DPY19L1: variants seen among roughly 807,000 people sequenced by gnomAD.
DPY19L1 encodes the protein dpy-19 like C-mannosyltransferase 1, also known as protein C-mannosyl-transferase DPY19L1.
DPY19L1 carries 35 observed loss-of-function variants against 96.9 expected under a neutral mutation model. That is an observed-to-expected ratio of 0.36 (90% CI 0.28 to 0.48). The LOEUF is 0.48. Among genes scored for constraint, DPY19L1 ranks in the 20% least tolerant of loss-of-function variants. DPY19L1 has a pLI of 0.99. For missense variants in DPY19L1, 521 were observed against 777.9 expected, an observed-to-expected ratio of 0.67 and a Z score of 3.93; for synonymous variants, 205 against 252.6, an observed-to-expected ratio of 0.81 and a Z score of 1.79.
intron 13 of DPY19L1, among the ~76,000 whole-genome samples, chr7:34,952,677 A>C (rs1195033125): frequency 1.3e-5 from 2 of 152,184 alleles, no homozygotes; most frequent in African/African-American, 4.8e-5. Flanking sequence ...AAGAAATACT[A>C]CATTTGAGCA....
Position 34,931,650 on chromosome 7 carries a change from C to T in DPY19L1, c.2170G>A (p.Val724Met), listed in dbSNP as rs200053924. The change falls in exon 22 of 22, where the codon GTG (valine) becomes ATG (methionine). Residue 724 changes from valine to methionine, a missense_variant. Coordinates refer to ENST00000638088, the MANE Select transcript of DPY19L1 (RefSeq NM_001366673.1). Reference protein sequence around the residue: ...AGKTPLCNLLVKDSKPHFTTV... With the variant: ...AGKTPLCNLLMKDSKPHFTTV... The stretch of plus-strand genomic sequence containing the variant: ...GTGAAGTGAGGTTTGGAATCCTTCA[C>T]CAAGAGGTTACATAAGGGAGTTTTC... 30 of 1,600,400 alleles carry T rather than the reference C, an allele frequency of 1.9e-5. No homozygotes were observed. The highest frequency in any genetic ancestry group is 2.3e-5 in the Non-Finnish European group (27 of 1,174,124).
At chr7:34,965,658 T>C (rs1242116715) in intron 10 of DPY19L1, among the ~76,000 whole-genome samples, 1 of 152,196 alleles carries the variant, frequency 6.6e-6, no homozygotes, top group Non-Finnish European at 1.5e-5. Context: ...TTATAAATGT[T>C]CTTTTATATG....
intron 1 of DPY19L1, among the ~76,000 whole-genome samples, chr7:35,031,050 G>C (rs1044850098): frequency 1.3e-5 from 2 of 152,062 alleles, no homozygotes; most frequent in African/African-American, 4.8e-5. Context: ...AAAAGAACTA[G>C]CAAAACAGGA....
At chr7:34,973,964 C>T (rs1784781931) in intron 7 of DPY19L1, among the ~76,000 whole-genome samples, 1 of 152,148 alleles carries the variant, frequency 6.6e-6, no homozygotes, top group South Asian at 2.1e-4. Flanking sequence ...TGTCTTCTTT[C>T]CCATGAATTT....
At chr7:34,973,087 A>G (rs13310656) in intron 8 of DPY19L1, among the ~76,000 whole-genome samples, 1,869 of 152,232 alleles carry the variant, frequency 0.012, 18 homozygotes, top group Non-Finnish European at 0.02. Flanking sequence ...CAAGGCAGCT[A>G]TATTCAATAT....
intron 20 of DPY19L1, among the ~76,000 whole-genome samples, chr7:34,938,829 C>A (rs1295869357): frequency 1.3e-5 from 2 of 152,156 alleles, no homozygotes; most frequent in Non-Finnish European, 2.9e-5. Flanking sequence ...CACCCAAGAT[C>A]ATTCTAACAG....
chr7:35,024,046 C>T (rs180975691), intron 1 of DPY19L1, among the ~76,000 whole-genome samples: 177 of 152,062 alleles, frequency 1.2e-3, no homozygotes, highest in African/African-American at 4.1e-3. Flanking sequence ...CCGTGCTAAC[C>T]AGGATGGTAT....
intron 16 of DPY19L1, among the ~76,000 whole-genome samples, chr7:34,943,048 A>G (rs1784059914): frequency 1.3e-5 from 2 of 152,378 alleles, no homozygotes; most frequent in East Asian, 1.9e-4. Context: ...GGTCAGAGAC[A>G]GAAATGTGTG....
At chr7:34,981,164 A>G (rs1784930988) in intron 7 of DPY19L1, among the ~76,000 whole-genome samples, 1 of 152,228 alleles carries the variant, frequency 6.6e-6, no homozygotes, top group Non-Finnish European at 1.5e-5. Context: ...TGTGAAAAGT[A>G]TATATCATTA....
intron 1 of DPY19L1, among the ~76,000 whole-genome samples, chr7:35,023,246 C>G (rs1056344380): frequency 1.3e-5 from 2 of 152,202 alleles, no homozygotes; most frequent in Non-Finnish European, 1.5e-5. Context: ...AGGGCCCTTC[C>G]TAGACGCCGT....
chr7:34,969,683 T>C, intron 8 of DPY19L1, 151 bp from the exon 9 acceptor site: 1 of 432,716 alleles, frequency 2.3e-6, no homozygotes, highest in Non-Finnish European at 4.2e-6. Context: ...AAATTATACC[T>C]CCTGATACTC....
intron 18 of DPY19L1, chr7:34,940,626 C>A: frequency 5.1e-6 from 1 of 196,220 alleles, no homozygotes. Flanking sequence ...AATGTGGGGT[C>A]TCTTGTTAAA....
At chr7:35,024,103 C>T (rs1165181982) in intron 1 of DPY19L1, among the ~76,000 whole-genome samples, 3 of 151,772 alleles carry the variant, frequency 2.0e-5, no homozygotes, top group Non-Finnish European at 4.4e-5. Flanking sequence ...CCCAAAGTGC[C>T]GGGATAACAG....
chr7:34,937,455 G>GA (rs943066640), intron 21 of DPY19L1, among the ~76,000 whole-genome samples: 24 of 152,026 alleles, frequency 1.6e-4, no homozygotes, highest in Non-Finnish European at 1.5e-5. Flanking sequence ...TCTTTTGAAA[G>GA]AAAATACATC....
chr7:35,005,828 T>C (rs1482525081), intron 6 of DPY19L1, among the ~76,000 whole-genome samples: 5 of 150,608 alleles, frequency 3.3e-5, no homozygotes, highest in Non-Finnish European at 7.4e-5. Flanking sequence ...AAAAAAGTTT[T>C]GTCTTAATTT....
At chr7:35,006,630 CAAT>C (rs1785563805) in intron 6 of DPY19L1, among the ~76,000 whole-genome samples, 1 of 151,962 alleles carries the variant, frequency 6.6e-6, no homozygotes, top group Admixed American at 6.6e-5. Flanking sequence ...AAATAATTAA[CAAT>C]GAGTATTTTA....
intron 21 of DPY19L1, among the ~76,000 whole-genome samples, chr7:34,934,200 T>C (rs1244209959): frequency 1.3e-5 from 2 of 152,114 alleles, no homozygotes; most frequent in Non-Finnish European, 1.5e-5. Flanking sequence ...CCTGACCTCA[T>C]GATCTGCCCA....
At chr7:35,029,925 C>A (rs912708688) in intron 1 of DPY19L1, among the ~76,000 whole-genome samples, 101 of 152,312 alleles carry the variant, frequency 6.6e-4, no homozygotes, top group African/African-American at 2.3e-3. Flanking sequence ...CAAACTTCAC[C>A]TGCTGAACTC....
chr7:34,988,738 T>A (rs1055645025), intron 7 of DPY19L1, among the ~76,000 whole-genome samples: 5 of 152,194 alleles, frequency 3.3e-5, no homozygotes, highest in Admixed American at 6.5e-5. Flanking sequence ...CTTTTCTCCC[T>A]CATACAAAAT....
Sources: gnomAD v4.1 joint callset for allele counts (sites outside exome capture counted in the v4.1 genomes callset) on GRCh38, gnomAD v4.1.1 for gene constraint, MANE v1.5 for transcripts, NCBI Gene and HGNC (gene_info 2026-07-23, HGNC 2026-07-21) for gene names.